FRZB: variants seen among roughly 807,000 people sequenced by gnomAD.
FRZB encodes the protein secreted frizzled-related protein 3.
Under a neutral mutation model 32.5 loss-of-function variants are expected in FRZB, and 34 were observed. That is an observed-to-expected ratio of 1.05 (90% CI 0.80 to 1.39). FRZB has a LOEUF of 1.39. Among genes scored for constraint, FRZB ranks in the 40% most tolerant of loss-of-function variants. The probability of loss-of-function intolerance (pLI) is 0.00; values close to 1 mark genes in which losing one functional copy is unlikely to be tolerated. For synonymous variants in FRZB, 170 were observed against 159.2 expected (o/e 1.07, Z -0.51); for missense variants, 423 against 424.8 (o/e 1.00, Z 0.04).
chr2:182,846,387 A>G (rs1695640908), intron 2 of FRZB, among the ~76,000 whole-genome samples: 4 of 152,182 alleles, frequency 2.6e-5, no homozygotes, highest in Non-Finnish European at 1.5e-5. Context: ...CCTTTCATGT[A>G]CCATGACTTT....
intron 3 of FRZB, among the ~76,000 whole-genome samples, chr2:182,840,428 C>A (rs1333263620): frequency 6.6e-6 from 1 of 151,992 alleles, no homozygotes; most frequent in South Asian, 2.1e-4. Flanking sequence ...TGTACCCACT[C>A]CAAAATAAAT....
chr2:182,842,233 G>A (rs1166772077), intron 3 of FRZB, among the ~76,000 whole-genome samples: 1 of 152,142 alleles, frequency 6.6e-6, no homozygotes, highest in Non-Finnish European at 1.5e-5. Context: ...GTACTTAAGT[G>A]CATGGCTCTA....
At chr2:182,864,358 T>C (rs1265495433) in intron 1 of FRZB, among the ~76,000 whole-genome samples, 3 of 152,180 alleles carry the variant, frequency 2.0e-5, no homozygotes, top group Non-Finnish European at 4.4e-5. Flanking sequence ...GCCCTTGGCC[T>C]GAGAGGAGCA....
At position 182,836,773 on chromosome 2, in the gene FRZB, A is replaced by G. The variant is rs946769773; in HGVS notation, c.861+1175T>C. ...TGAACAAGAGCCACTTTTTTCTTTA[A>G]TAAACACCAAACTAATTGAAGAGAG... On this transcript the variant is annotated intron_variant, in intron 5 of 5. Coordinates refer to ENST00000295113, the MANE Select transcript of FRZB (RefSeq NM_001463.4). Among the ~76,000 whole-genome samples the G allele has an allele frequency of 6.2e-4, 94 of 152,082 alleles. 2 individuals carry two copies. Among genetic ancestry groups the G allele is most frequent in the Non-Finnish European group, 4.4e-5 (3 of 67,990 alleles).
intron 2 of FRZB, among the ~76,000 whole-genome samples, chr2:182,853,152 CTATT>C (rs1253713028): frequency 2.0e-5 from 3 of 152,078 alleles, no homozygotes; most frequent in African/African-American, 4.8e-5. Flanking sequence ...TTGGTTTTGC[CTATT>C]TGTTTTCATC....
chr2:182,865,809 G>A (rs537218215), intron 1 of FRZB, among the ~76,000 whole-genome samples: 22 of 152,294 alleles, frequency 1.4e-4, no homozygotes, highest in Middle Eastern at 6.8e-3. Flanking sequence ...TGATGGGTTT[G>A]GAATGCATGG....
At chr2:182,864,944 G>C (rs1695874337) in intron 1 of FRZB, among the ~76,000 whole-genome samples, 1 of 152,144 alleles carries the variant, frequency 6.6e-6, no homozygotes, top group South Asian at 2.1e-4. Flanking sequence ...AATATATGAA[G>C]GGTAAAATTT....
chr2:182,847,909 A>G (rs1695663647), intron 2 of FRZB, among the ~76,000 whole-genome samples: 1 of 152,150 alleles, frequency 6.6e-6, no homozygotes, highest in Non-Finnish European at 1.5e-5. Flanking sequence ...TGGAGTTGGG[A>G]TTTGCCAGAT....
intron 4 of FRZB, 57 bp downstream of exon 4, chr2:182,838,352 T>G (rs1695549924): frequency 7.0e-7 from 1 of 1,419,966 alleles, no homozygotes; most frequent in Admixed American, 1.7e-5. Flanking sequence ...TAGAGACAAA[T>G]TTAATGAGAG....
chr2:182,850,252 A>G (rs748103592), intron 2 of FRZB, among the ~76,000 whole-genome samples: 5 of 152,230 alleles, frequency 3.3e-5, no homozygotes, highest in African/African-American at 1.2e-4. Flanking sequence ...TATTGTACAT[A>G]TTGAAATGTA....
At chr2:182,850,934 C>T (rs1695703415) in intron 2 of FRZB, among the ~76,000 whole-genome samples, 1 of 152,170 alleles carries the variant, frequency 6.6e-6, no homozygotes, top group Admixed American at 6.5e-5. Context: ...GGTGAGATAT[C>T]TCACTGTGGT....
intron 2 of FRZB, among the ~76,000 whole-genome samples, chr2:182,846,394 C>T (rs899601158): frequency 1.3e-5 from 2 of 152,110 alleles, no homozygotes; most frequent in African/African-American, 4.8e-5. Flanking sequence ...TGTACCATGA[C>T]TTTGGAGGAC....
chr2:182,851,364 A>G lies in FRZB; in HGVS notation c.526+7422T>C, dbSNP rs997207742. ...CAAAAGAGAAAGTTTTAATTAAACA[A>G]TTACTTCAGGGCTGGGCACGGTGGC... On this transcript the variant is annotated intron_variant, in intron 2 of 5. Coordinates refer to ENST00000295113, the MANE Select transcript of FRZB (RefSeq NM_001463.4). Among the ~76,000 whole-genome samples, 26 of 152,228 alleles carry G rather than the reference A, an allele frequency of 1.7e-4. 1 individual carries two copies. Among genetic ancestry groups the G allele is most frequent in the Non-Finnish European group, 1.2e-4 (8 of 68,042 alleles).
chr2:182,839,327 T>G (rs1385475362), intron 3 of FRZB, among the ~76,000 whole-genome samples: 1 of 152,078 alleles, frequency 6.6e-6, no homozygotes, highest in East Asian at 1.9e-4. Context: ...GTACAGATTA[T>G]CTTTTATATT....
chr2:182,852,740 CA>C (rs1695723155), intron 2 of FRZB, among the ~76,000 whole-genome samples: 1 of 151,968 alleles, frequency 6.6e-6, no homozygotes. Context: ...TGAAATAGAA[CA>C]AAAATTGTTT....
At chr2:182,850,474 G>C (rs561886828) in intron 2 of FRZB, among the ~76,000 whole-genome samples, 1 of 152,082 alleles carries the variant, frequency 6.6e-6, no homozygotes. Flanking sequence ...GAAGGAGAAC[G>C]TGTGATATTG....
intron 2 of FRZB, among the ~76,000 whole-genome samples, chr2:182,857,319 T>C (rs776629033): frequency 2.0e-5 from 3 of 152,062 alleles, no homozygotes; most frequent in Non-Finnish European, 4.4e-5. Context: ...AGCATTACAT[T>C]ATATTAGAAG....
At chr2:182,865,616 A>G (rs894425995) in intron 1 of FRZB, among the ~76,000 whole-genome samples, 8 of 152,214 alleles carry the variant, frequency 5.3e-5, no homozygotes, top group Non-Finnish European at 1.5e-5. Context: ...CCTCCACACA[A>G]TCTTAACAAG....
At position 182,833,787 on chromosome 2, in the gene FRZB, C is replaced by T. The variant is rs1331862804; in HGVS notation, c.*1062G>A. ...CAGTTTGCAGGCCTGTATTTTAATC[C>T]ACCTTGGGTGTGAGTGCAAGGACAC... On this transcript the variant is annotated 3_prime_UTR_variant, in exon 6 of 6. Transcript: ENST00000295113. 2 of 152,022 alleles carry T rather than the reference C, an allele frequency of 1.3e-5. No individual in the cohort carries two copies. The highest frequency in any genetic ancestry group is 4.8e-5 in the African/African-American group (2 of 41,404). 9.4% of individuals were successfully genotyped at this position (152,022 alleles called of 1,614,324 possible).
Sources: allele counts gnomAD v4.1 joint callset (sites outside exome capture counted in the v4.1 genomes callset), GRCh38; gene constraint gnomAD v4.1.1; transcripts MANE v1.5; gene names NCBI Gene and HGNC (gene_info 2026-07-23, HGNC 2026-07-21).